Variants in CAST observed in about 807,000 individuals in gnomAD.
CAST encodes the protein MIR583 host.
CAST carries 76 observed loss-of-function variants against 119.6 expected under a neutral mutation model. The observed-to-expected ratio is 0.64, with a 90% CI of 0.53 to 0.77. The LOEUF is 0.77. Among genes scored for constraint, CAST ranks in the 30% least tolerant of loss-of-function variants. The pLI is 0.00. For synonymous variants in CAST, 319 were observed against 331.6 expected (o/e 0.96, Z 0.41); for missense variants, 953 against 946.5 (o/e 1.01, Z -0.09).
the CAST span, among the ~76,000 whole-genome samples, chr5:96,155,460 A>G: frequency 6.6e-6 from 1 of 152,254 alleles, no homozygotes; most frequent in Non-Finnish European, 1.5e-5. Flanking sequence ...TATACATTTT[A>G]AAATAGAAAA....
chr5:96,167,698 T>A, the CAST span, among the ~76,000 whole-genome samples: 2 of 152,136 alleles, frequency 1.3e-5, no homozygotes, highest in Non-Finnish European at 2.9e-5. Flanking sequence ...ACTGAGGAAT[T>A]CTGTCTGACA....
chr5:96,655,219 A>T (rs1748143375), intron 1 of CAST, among the ~76,000 whole-genome samples: 1 of 152,226 alleles, frequency 6.6e-6, no homozygotes, highest in Non-Finnish European at 1.5e-5. Flanking sequence ...CTACTTGAAG[A>T]ATGTGCAGGA....
intron 1 of CAST, among the ~76,000 whole-genome samples, chr5:96,594,042 C>T (rs1176604702): frequency 1.3e-5 from 2 of 152,328 alleles, no homozygotes; most frequent in East Asian, 3.9e-4. Context: ...GAGAGTTCAG[C>T]AAGACTCAAA....
the CAST span, among the ~76,000 whole-genome samples, chr5:96,036,998 C>T: frequency 6.6e-6 from 1 of 152,048 alleles, no homozygotes; most frequent in African/African-American, 2.4e-5. Flanking sequence ...TCTGATCTAC[C>T]TTCCCTTGTG....
At chr5:96,230,842 C>A in the CAST span, among the ~76,000 whole-genome samples, 1 of 152,098 alleles carries the variant, frequency 6.6e-6, no homozygotes, top group Non-Finnish European at 1.5e-5. Context: ...TAAGAATAGA[C>A]ATTTCTTTAA....
chr5:96,265,938 G>A, the CAST span, among the ~76,000 whole-genome samples: 1,080 of 152,212 alleles, frequency 7.1e-3, 11 homozygotes, highest in African/African-American at 0.025. Flanking sequence ...CTGATACGAT[G>A]TCATGGAAGA....
chr5:96,364,470 G>T, the CAST span, among the ~76,000 whole-genome samples: 8 of 152,114 alleles, frequency 5.3e-5, no homozygotes. Flanking sequence ...TTTTTGGTTG[G>T]TAGGCTATTA....
At chr5:96,022,134 C>T in the CAST span, among the ~76,000 whole-genome samples, 1 of 152,178 alleles carries the variant, frequency 6.6e-6, no homozygotes, top group African/African-American at 2.4e-5. Flanking sequence ...TGTGCAAATA[C>T]TGTGCCATTT....
chr5:96,728,042 C>T (rs926310880), intron 6 of CAST, among the ~76,000 whole-genome samples: 1 of 152,158 alleles, frequency 6.6e-6, no homozygotes, highest in African/African-American at 2.4e-5. Flanking sequence ...TGTTACTTTC[C>T]TGACCCATGA....
chr5:96,147,674 G>A, the CAST span, among the ~76,000 whole-genome samples: 3 of 152,118 alleles, frequency 2.0e-5, no homozygotes, highest in Admixed American at 2.0e-4. Context: ...ATTTGGTAAG[G>A]CTTTGTTACA....
At chr5:96,073,433 T>C in the CAST span, among the ~76,000 whole-genome samples, 2 of 152,126 alleles carry the variant, frequency 1.3e-5, no homozygotes, top group African/African-American at 4.8e-5. Flanking sequence ...GTCTAATACG[T>C]TTGCCCAGAA....
At chr5:96,380,140 C>T in the CAST span, among the ~76,000 whole-genome samples, 17 of 152,228 alleles carry the variant, frequency 1.1e-4, no homozygotes, top group East Asian at 9.6e-4. Flanking sequence ...GGCATGATTT[C>T]GTAATAATCC....
the CAST span, among the ~76,000 whole-genome samples, chr5:96,462,631 A>G: frequency 6.6e-6 from 1 of 152,116 alleles, no homozygotes; most frequent in South Asian, 2.1e-4. Context: ...GGGTTAAATG[A>G]GAGTCTCCCT....
intron 3 of CAST, among the ~76,000 whole-genome samples, chr5:96,721,327 A>G (rs1010885813): frequency 6.6e-6 from 1 of 152,200 alleles, no homozygotes; most frequent in Non-Finnish European, 1.5e-5. Context: ...GTAAATTATG[A>G]TAGTTTAACT....
chr5:96,540,010 T>C (rs1745883079), intron 1 of CAST, among the ~76,000 whole-genome samples: 1 of 152,156 alleles, frequency 6.6e-6, no homozygotes. Context: ...GTTTTAGTAT[T>C]TATAGTATAC....
chr5:96,383,104 T>C, the CAST span, among the ~76,000 whole-genome samples: 1 of 152,182 alleles, frequency 6.6e-6, no homozygotes, highest in Non-Finnish European at 1.5e-5. Context: ...GTTATGTGTG[T>C]GGTTGCCTTG....
chr5:96,308,157 A>G, the CAST span, among the ~76,000 whole-genome samples: 3 of 149,138 alleles, frequency 2.0e-5, no homozygotes, highest in Admixed American at 2.0e-4. Flanking sequence ...ATTTCTTTTC[A>G]CTCTTTTTTC....
chr5:96,211,382 C>T, the CAST span, among the ~76,000 whole-genome samples: 1 of 151,900 alleles, frequency 6.6e-6, no homozygotes, highest in Admixed American at 6.6e-5. Context: ...AGTGCTCATT[C>T]TCAAGTGGAA....
At chr5:96,581,715 C>A (rs1405860190) in intron 1 of CAST, among the ~76,000 whole-genome samples, 1 of 151,920 alleles carries the variant, frequency 6.6e-6, no homozygotes, top group Non-Finnish European at 1.5e-5. Flanking sequence ...ATGGTGAAAC[C>A]CCCGTCTCCA....
Sources: gnomAD v4.1 joint callset for allele counts (sites outside exome capture counted in the v4.1 genomes callset) on GRCh38, gnomAD v4.1.1 for gene constraint, MANE v1.5 for transcripts, NCBI Gene and HGNC (gene_info 2026-07-23, HGNC 2026-07-21) for gene names.